The following ASTN1 variants were observed in gnomAD, a reference collection of about 807,000 sequenced individuals.
ASTN1 encodes astrotactin-1.
A neutral mutation model predicts 140.7 loss-of-function variants in ASTN1; 41 were observed. The ratio of observed to expected loss-of-function variants is 0.29; its 90% confidence interval spans 0.23 to 0.38. The LOEUF (loss-of-function observed/expected upper bound fraction) is 0.38. Among genes scored for constraint, ASTN1 ranks in the 10% least tolerant of loss-of-function variants. The pLI, the probability that ASTN1 is intolerant of heterozygous loss-of-function variation, is 1.00. For synonymous variants in ASTN1, 640 were observed against 652.2 expected, an observed-to-expected ratio of 0.98 and a Z score of 0.29; for missense variants, 1,479 against 1,678.8, an observed-to-expected ratio of 0.88 and a Z score of 2.08.
At chr1:176,990,226 G>T (rs938607429) in intron 8 of ASTN1, among the ~76,000 whole-genome samples, 1 of 125,264 alleles carries the variant, frequency 8.0e-6, no homozygotes. Context: ...AGCAGTGAAA[G>T]CACAGCAGGG....
chr1:176,905,310 A>G (rs993568969), intron 16 of ASTN1, among the ~76,000 whole-genome samples: 3 of 152,222 alleles, frequency 2.0e-5, no homozygotes, highest in African/African-American at 7.2e-5. Context: ...CTTAGGCAGC[A>G]CCATAGCGGA....
intron 1 of ASTN1, among the ~76,000 whole-genome samples, chr1:177,093,522 G>A (rs943946489): frequency 6.6e-5 from 10 of 152,074 alleles, no homozygotes; most frequent in Non-Finnish European, 1.3e-4. Context: ...TCATTTGATC[G>A]GTCAAAAGGA....
intron 16 of ASTN1, among the ~76,000 whole-genome samples, chr1:176,905,317 C>T (rs1429220173): frequency 2.0e-5 from 3 of 152,150 alleles, no homozygotes; most frequent in Non-Finnish European, 2.9e-5. Flanking sequence ...AGCACCATAG[C>T]GGAAAATTCA....
chr1:177,126,010 G>C (rs1305549880), intron 1 of ASTN1, among the ~76,000 whole-genome samples: 1 of 152,080 alleles, frequency 6.6e-6, no homozygotes, highest in Non-Finnish European at 1.5e-5. Context: ...CATTTAATTA[G>C]GACTTCTCTT....
chr1:177,054,842 T>C (rs537837945), intron 2 of ASTN1, among the ~76,000 whole-genome samples: 19 of 152,234 alleles, frequency 1.2e-4, no homozygotes, highest in Admixed American at 1.2e-3. Flanking sequence ...AGAAGCTAAT[T>C]CATAGCAAGA....
chr1:176,960,465 G>A (rs1672610708), intron 9 of ASTN1, among the ~76,000 whole-genome samples: 1 of 152,228 alleles, frequency 6.6e-6, no homozygotes, highest in Non-Finnish European at 1.5e-5. Flanking sequence ...GCCGTTGGCA[G>A]TTCTGATACA....
At chr1:176,964,427 A>G (rs1672788743) in intron 9 of ASTN1, among the ~76,000 whole-genome samples, 1 of 152,212 alleles carries the variant, frequency 6.6e-6, no homozygotes, top group African/African-American at 2.4e-5. Context: ...TAAGTGAATG[A>G]TAGATTGACA....
chr1:177,116,806 T>C (rs1027730525), intron 1 of ASTN1, among the ~76,000 whole-genome samples: 1 of 152,166 alleles, frequency 6.6e-6, no homozygotes, highest in African/African-American at 2.4e-5. Context: ...CTAATTTTAA[T>C]CCTGACTTTT....
At chr1:177,127,736 C>A (rs1402148917) in intron 1 of ASTN1, among the ~76,000 whole-genome samples, 2 of 152,196 alleles carry the variant, frequency 1.3e-5, no homozygotes, top group East Asian at 3.8e-4. Flanking sequence ...ACATATTTGG[C>A]CCACAGTGTT....
chr1:177,099,929 A>C (rs1053503121), intron 1 of ASTN1, among the ~76,000 whole-genome samples: 1 of 152,232 alleles, frequency 6.6e-6, no homozygotes, highest in Non-Finnish European at 1.5e-5. Flanking sequence ...ACCGCTAAAA[A>C]TTCAAAGCAA....
At chr1:176,918,749 G>A (rs1393687413) in intron 16 of ASTN1, among the ~76,000 whole-genome samples, 2 of 152,112 alleles carry the variant, frequency 1.3e-5, no homozygotes, top group South Asian at 2.1e-4. Flanking sequence ...CAGTGCAGGA[G>A]GGATTCAAAG....
chr1:176,906,168 T>C (rs10442617), intron 16 of ASTN1, among the ~76,000 whole-genome samples: 127,269 of 152,174 alleles, frequency 0.84, 53,381 homozygotes, highest in Middle Eastern at 0.95. Flanking sequence ...GAGCCAGTGC[T>C]ATATGAACAA....
intron 1 of ASTN1, among the ~76,000 whole-genome samples, chr1:177,089,716 CCT>C (rs1280964883): frequency 1.3e-5 from 2 of 152,082 alleles, no homozygotes; most frequent in African/African-American, 4.8e-5. Flanking sequence ...TGCACGTCAC[CCT>C]CCCTTAAGTA....
intron 8 of ASTN1, among the ~76,000 whole-genome samples, chr1:176,991,799 T>C (rs1674190751): frequency 6.6e-6 from 1 of 152,208 alleles, no homozygotes; most frequent in African/African-American, 2.4e-5. Context: ...AGTCATTCAT[T>C]TGACCCTCTG....
chr1:176,920,732 C>T (rs1465131381), intron 16 of ASTN1, among the ~76,000 whole-genome samples: 1 of 152,186 alleles, frequency 6.6e-6, no homozygotes, highest in Non-Finnish European at 1.5e-5. Flanking sequence ...TCAGCTTTGC[C>T]CTCAACATCT....
chr1:177,090,684 G>C (rs1679707220), intron 1 of ASTN1, among the ~76,000 whole-genome samples: 1 of 152,178 alleles, frequency 6.6e-6, no homozygotes, highest in Non-Finnish European at 1.5e-5. Context: ...TCTACAGAGA[G>C]CTCAGTTGAA....
intron 15 of ASTN1, 31 bp downstream of exon 15, chr1:176,936,235 G>A: frequency 6.3e-7 from 1 of 1,581,714 alleles, no homozygotes. Context: ...TTCCAGGGAA[G>A]GTGGGCAGGA....
At chr1:176,884,932 C>G (rs1369307872) in intron 18 of ASTN1, among the ~76,000 whole-genome samples, 1 of 152,158 alleles carries the variant, frequency 6.6e-6, no homozygotes, top group Non-Finnish European at 1.5e-5. Flanking sequence ...TTAATAAGGC[C>G]ACAGTTGGTT....
intron 1 of ASTN1, among the ~76,000 whole-genome samples, chr1:177,123,805 T>C (rs1215207446): frequency 6.6e-6 from 1 of 152,188 alleles, no homozygotes; most frequent in Non-Finnish European, 1.5e-5. Flanking sequence ...GAAATTGGCA[T>C]AGCCAAACCT....
Sources: allele counts gnomAD v4.1 joint callset (sites outside exome capture counted in the v4.1 genomes callset), GRCh38; gene constraint gnomAD v4.1.1; transcripts MANE v1.5; gene names NCBI Gene and HGNC (gene_info 2026-07-23, HGNC 2026-07-21).